The following PDS5B variants were observed in gnomAD, a reference collection of about 807,000 sequenced individuals.
The protein encoded by PDS5B is PDS5 cohesin associated factor B, also known as sister chromatid cohesion protein PDS5 homolog B.
PDS5B carries 51 observed loss-of-function variants against 184.1 expected under a neutral mutation model. The ratio of observed to expected loss-of-function variants is 0.28; its 90% CI spans 0.22 to 0.35. PDS5B has a LOEUF of 0.35. PDS5B is among the 10% of genes least tolerant of loss of function. The pLI is 1.00. For synonymous variants in PDS5B, 566 were observed against 569.2 expected (o/e 0.99, Z 0.08); for missense variants, 1,180 against 1,723.3 (o/e 0.68, Z 5.58).
intron 19 of PDS5B, among the ~76,000 whole-genome samples, chr13:32,723,773 G>A (rs77669608): frequency 0.02 from 3,078 of 152,260 alleles, 41 homozygotes; most frequent in Non-Finnish European, 0.034. Flanking sequence ...TTTAGTTACT[G>A]AAGTAACCAC....
chr13:32,678,748 A>T, intron 9 of PDS5B, 87 bp from the exon 10 acceptor site: 2 of 764,258 alleles, frequency 2.6e-6, no homozygotes, highest in Admixed American at 4.8e-5. Flanking sequence ...TTTTTCTTTA[A>T]TTAGATAAAT....
intron 24 of PDS5B, 146 bp from the exon 25 acceptor site, chr13:32,753,186 A>G: frequency 1.7e-6 from 1 of 597,500 alleles, no homozygotes; most frequent in Non-Finnish European, 2.9e-6. Flanking sequence ...TTTAGTCACA[A>G]CATCTCACTC....
chr13:32,613,020 A>G (rs557100581), intron 1 of PDS5B, among the ~76,000 whole-genome samples: 28 of 152,348 alleles, frequency 1.8e-4, no homozygotes, highest in African/African-American at 6.5e-4. Flanking sequence ...TTTTGTAACT[A>G]GTGGCATTCA....
At chr13:32,665,206 A>T (rs572739343) in intron 6 of PDS5B, among the ~76,000 whole-genome samples, 1 of 152,350 alleles carries the variant, frequency 6.6e-6, no homozygotes, top group South Asian at 2.1e-4. Context: ...AATAATAAAA[A>T]TTAGCTACTT....
chr13:32,597,361 A>G (rs969654241), intron 1 of PDS5B, among the ~76,000 whole-genome samples: 2 of 151,652 alleles, frequency 1.3e-5, no homozygotes, highest in Non-Finnish European at 2.9e-5. Flanking sequence ...TCTTTTTCAC[A>G]TGTTATTGCA....
chr13:32,656,053 G>A (rs1950504580), intron 3 of PDS5B, among the ~76,000 whole-genome samples: 1 of 152,118 alleles, frequency 6.6e-6, no homozygotes, highest in South Asian at 2.1e-4. Flanking sequence ...TGACTAGCTA[G>A]TTATCCCAGC....
Position 32,770,318 on chromosome 13 carries a change from A to G in PDS5B, c.3822A>G (p.Ile1274Met), listed in dbSNP as rs201083990. ...AGGAAAAGAGGCTCAAAGAAGATAT[A>G]TTAGAAAATGAAGATGAACAGAATA... ...WPEEKRLKED[I>M]LENEDEQNSP... The change falls in exon 32 of 35, where the codon ATA becomes ATG. Residue 1274 changes from isoleucine (I) to methionine (M), a missense_variant. Ile to Met is a conservative substitution (Grantham distance 10). Around this residue, in one of 11 missense-constraint regions of PDS5B, gnomAD observed 465 missense variants for 497.8 expected, o/e 0.93. Transcript: ENST00000315596. 186 of 1,614,050 alleles carry G rather than the reference A, an allele frequency of 1.2e-4. No individual in the cohort carries two copies. In the Middle Eastern group the frequency reaches 1.2e-3, roughly 10 times the overall value.
chr13:32,611,199 A>G (rs1013527280), intron 1 of PDS5B, among the ~76,000 whole-genome samples: 6 of 152,002 alleles, frequency 3.9e-5, no homozygotes. Context: ...CTTCCCTTAT[A>G]TGTTACTCCC....
At chr13:32,667,950 T>A (rs1950844841) in intron 7 of PDS5B, 106 bp downstream of exon 7, 2 of 528,528 alleles carry the variant, frequency 3.8e-6, no homozygotes, top group Non-Finnish European at 6.6e-6. Flanking sequence ...AAACAACAAA[T>A]TTGTGTTGTT....
intron 2 of PDS5B, chr13:32,650,018 G>A (rs1216304082): frequency 6.6e-6 from 1 of 152,102 alleles, no homozygotes; most frequent in Non-Finnish European, 1.5e-5. Context: ...GAGCATTCCT[G>A]TTGTTTGTTG....
At chr13:32,675,733 G>A (rs1593399093) in intron 8 of PDS5B, 111 bp from the exon 9 acceptor site, 1 of 589,654 alleles carries the variant, frequency 1.7e-6, no homozygotes, top group East Asian at 2.6e-5. Context: ...TAGAGTTCAT[G>A]AAAGATTTTC....
chr13:32,744,845 A>C (rs1953688526), intron 23 of PDS5B, among the ~76,000 whole-genome samples: 1 of 152,264 alleles, frequency 6.6e-6, no homozygotes. Context: ...TAAGTCTTGG[A>C]AAACTAAGAC....
At chr13:32,600,012 A>G (rs1018612029) in intron 1 of PDS5B, among the ~76,000 whole-genome samples, 12 of 152,088 alleles carry the variant, frequency 7.9e-5, no homozygotes, top group Non-Finnish European at 1.5e-4. Flanking sequence ...GTCCATGAGT[A>G]TGTATTAATT....
At chr13:32,771,764 A>G (rs1284669856) in intron 33 of PDS5B, among the ~76,000 whole-genome samples, 1 of 152,090 alleles carries the variant, frequency 6.6e-6, no homozygotes, top group Non-Finnish European at 1.5e-5. Flanking sequence ...TAAACAAAGG[A>G]TTCTTAAGGA....
At chr13:32,641,901 C>T (rs542323826) in intron 1 of PDS5B, among the ~76,000 whole-genome samples, 1 of 152,238 alleles carries the variant, frequency 6.6e-6, no homozygotes, top group South Asian at 2.1e-4. Context: ...CTGGGTTTTC[C>T]CCCATCTCCA....
chr13:32,770,520 A>G lies in PDS5B; in HGVS notation c.4024A>G (p.Lys1342Glu). The change falls in exon 32 of 35, where the codon AAA becomes GAA. Residue 1342 changes from lysine to glutamate, a missense_variant. Physicochemically the swap from Lys to Glu is moderately conservative, Grantham distance 56. Transcript: ENST00000315596. ...RQSGNTEQKS[K>E]SKQHRVSRRA... The stretch of plus-strand genomic sequence containing the variant: ...AAGTGGAAATACGGAACAGAAGTCC[A>G]AAAGCAAACAGCACCGAGTGTCAAG... The G allele has an allele frequency of 6.2e-7, 1 of 1,609,990 alleles. No homozygotes were observed. The highest frequency in any genetic ancestry group is 8.5e-7 in the Non-Finnish European group (1 of 1,179,084).
intron 1 of PDS5B, among the ~76,000 whole-genome samples, chr13:32,640,112 T>C (rs2058632820): frequency 6.6e-6 from 1 of 152,242 alleles, no homozygotes; most frequent in Non-Finnish European, 1.5e-5. Context: ...AACATTTATT[T>C]ATGTCTGATA....
At chr13:32,764,294 T>TA (rs1261100864) in intron 30 of PDS5B, among the ~76,000 whole-genome samples, 195 bp from the exon 31 acceptor site, 1 of 152,186 alleles carries the variant, frequency 6.6e-6, no homozygotes, top group African/African-American at 2.4e-5. Context: ...TTTTGATTTT[T>TA]AAAATTTTCT....
At chr13:32,751,861 G>C (rs1301888938) in intron 24 of PDS5B, among the ~76,000 whole-genome samples, 1 of 151,966 alleles carries the variant, frequency 6.6e-6, no homozygotes, top group Admixed American at 6.6e-5. Flanking sequence ...CTTTAGTTTA[G>C]ACTACTTCTG....
Sources: gnomAD v4.1 joint callset for allele counts (sites outside exome capture counted in the v4.1 genomes callset) on GRCh38, gnomAD v4.1.1 for gene constraint, gnomAD v4.1.1 regional missense constraint, MANE v1.5 for transcripts, NCBI Gene and HGNC (gene_info 2026-07-23, HGNC 2026-07-21) for gene names.